The following ZDHHC24 variants were observed in gnomAD, a reference collection of about 807,000 sequenced individuals.
ZDHHC24 encodes zDHHC palmitoyltransferase 24, also known as probable palmitoyltransferase ZDHHC24.
ZDHHC24 carries 17 observed loss-of-function variants against 23.2 expected under a neutral mutation model. The ratio of observed to expected loss-of-function variants is 0.73; its 90% CI spans 0.50 to 1.10. The LOEUF (loss-of-function observed/expected upper bound fraction) is 1.10. Among genes scored for constraint, ZDHHC24 ranks in the 50% least tolerant of loss-of-function variants. The pLI, the probability that ZDHHC24 is intolerant of heterozygous loss-of-function variation, is 0.00. For synonymous variants in ZDHHC24, 186 were observed against 194.5 expected (o/e 0.96, Z 0.36); for missense variants, 366 against 393.0 (o/e 0.93, Z 0.58).
At chr11:66,532,133 G>A (rs1856812809), downstream of ZDHHC24, 1 of 1,321,676 alleles carries the variant, frequency 7.6e-7, no homozygotes, top group African/African-American at 1.5e-5. Context: ...CAGTGTGCTG[G>A]GGCGACAGCT....
In ZDHHC24 at chr11:66,545,309, G is replaced by A. The variant is rs1310341835; in HGVS notation, c.281+414C>T. Among the ~76,000 whole-genome samples, 2 of 152,184 alleles carry A rather than the reference G, an allele frequency of 1.3e-5. No individual in the cohort carries two copies. The highest frequency in any genetic ancestry group is 3.9e-4 in the East Asian group (2 of 5,194). On this transcript the variant is annotated intron_variant, in intron 1 of 2. Coordinates refer to ENST00000310442, the MANE Select transcript of ZDHHC24 (RefSeq NM_207340.3). This position sits in a 1 kb window ranked among gnomAD's most constrained non-coding sequence, Gnocchi z 4.5. ...CGGCCTCGGCCTCCCAAAGTGCTGG[G>A]ATTACAGATGTGAGCCAACGCACCC...
chr11:66,524,459 G>A (rs772627072), intron 4 of ZDHHC24, among the ~76,000 whole-genome samples: 2 of 151,898 alleles, frequency 1.3e-5, no homozygotes, highest in African/African-American at 4.8e-5. Context: ...GCTAAAAAGC[G>A]CAGAGGGTGC....
rs1856981540 is a variant in ZDHHC24 at position 66,536,784 on chromosome 11, G to A, written c.*2745C>T. 6.6e-6 allele frequency: 1 copy of A among 151,768 alleles called. No homozygotes were observed. Among genetic ancestry groups the A allele is most frequent in the African/African-American group, 2.4e-5 (1 of 41,372 alleles). The allele number at this position is 151,768 out of a possible 1,614,324, so 9.4% of individuals were successfully genotyped here. Reference sequence around the variant, plus strand: ...CAGCTACCGAGAGGCTGCAGCAGGAGAATCGCTTGAACCCGGGAGGCGGAG... The same window carrying A: ...CAGCTACCGAGAGGCTGCAGCAGGAAAATCGCTTGAACCCGGGAGGCGGAG... On this transcript the variant is annotated 3_prime_UTR_variant, in exon 3 of 3. Transcript: ENST00000310442.
chr11:66,524,356 C>CT, intron 4 of ZDHHC24: 1 of 261,248 alleles, frequency 3.8e-6, no homozygotes, highest in Non-Finnish European at 7.5e-6. Flanking sequence ...AAAATGATGA[C>CT]TAAGTCCTTG....
chr11:66,521,394 C>T, exon 5 of ZDHHC24: 1 of 1,601,934 alleles, frequency 6.2e-7, no homozygotes, highest in East Asian at 2.2e-5. Context: ...CATCCGTGGT[C>T]TCCGGGGCCG....
At chr11:66,533,358 C>G (rs965812932), downstream of ZDHHC24, 1 of 152,250 alleles carries the variant, frequency 6.6e-6, no homozygotes, top group Admixed American at 6.5e-5. Context: ...CCAGCAGTCA[C>G]TTCCAGTTCA....
intron 4 of ZDHHC24, chr11:66,526,805 C>T (rs1856527351): frequency 1.2e-6 from 2 of 1,614,128 alleles, no homozygotes; most frequent in African/African-American, 1.3e-5. Context: ...GAGGCTGGCA[C>T]CGGTGAGCCT....
chr11:66,539,931 C>T (rs1014259438), intron 2 of ZDHHC24, 107 bp from the exon 3 acceptor site: 1 of 1,186,912 alleles, frequency 8.4e-7, no homozygotes, highest in South Asian at 1.7e-5. Context: ...GCTCAGCAAA[C>T]CCTGTGTCGA....
chr11:66,526,601 G>T, intron 4 of ZDHHC24: 10 of 1,612,140 alleles, frequency 6.2e-6, no homozygotes, highest in Non-Finnish European at 8.5e-6. Context: ...ATGGGAATGT[G>T]GGTAGAACTG....
chr11:66,545,307 G>A lies in ZDHHC24; in HGVS notation c.281+416C>T, dbSNP rs770604469. On this transcript the variant is annotated intron_variant, in intron 1 of 2. Transcript: ENST00000310442. The surrounding 1 kb of genome is among the most constrained non-coding windows in gnomAD (Gnocchi z 4.5). ...GCCGGCCTCGGCCTCCCAAAGTGCTGGGATTACAGATGTGAGCCAACGCAC... is the reference window on the plus strand; with the variant it reads ...GCCGGCCTCGGCCTCCCAAAGTGCTAGGATTACAGATGTGAGCCAACGCAC... Among the ~76,000 whole-genome samples the A allele has an allele frequency of 8.5e-5, 13 of 152,148 alleles. No individual in the cohort carries two copies. The highest frequency in any genetic ancestry group is 3.1e-4 in the African/African-American group (13 of 41,438).
intron 4 of ZDHHC24, among the ~76,000 whole-genome samples, chr11:66,525,638 A>G (rs529709971): frequency 1.5e-4 from 23 of 152,344 alleles, no homozygotes; most frequent in African/African-American, 5.5e-4. Context: ...AAAATTTGCA[A>G]ACAACTGGCT....
At chr11:66,529,415 C>G (rs1313738658) in exon 3 of ZDHHC24, 1 of 1,046,424 alleles carries the variant, frequency 9.6e-7, no homozygotes, top group Non-Finnish European at 1.4e-6. Context: ...GCTGGAGACA[C>G]ATGCACAATA....
At chr11:66,531,159 C>G (rs906994638), downstream of ZDHHC24, 9 of 1,285,444 alleles carry the variant, frequency 7.0e-6, no homozygotes, top group Non-Finnish European at 9.9e-6. Context: ...CAGACCTACT[C>G]TCCCACCACA....
downstream of ZDHHC24, chr11:66,531,812 A>C: frequency 6.2e-7 from 1 of 1,613,198 alleles, no homozygotes; most frequent in Non-Finnish European, 8.5e-7. Context: ...GTGAGTGCCA[A>C]CAAAGACCTT....
chr11:66,539,532 G>A lies in ZDHHC24; in HGVS notation c.852C>T (p.Ser284=). ...ACAGCTCTGGCTCTTCCTGGAGTCAGGAGGCTGTGTGTCCCACATCTGCTG... is the reference window on the plus strand; with the variant it reads ...ACAGCTCTGGCTCTTCCTGGAGTCAAGAGGCTGTGTGTCCCACATCTGCTG... ...QTTADVGHTA[S] is the part of the protein sequence containing the mutation. Residue 284 remains serine, a synonymous_variant, in exon 3 of 3, where the codon TCC becomes TCT. Coordinates refer to ENST00000310442, the MANE Select transcript of ZDHHC24 (RefSeq NM_207340.3). 1.3e-6 allele frequency: 2 copies of A among 1,559,236 alleles called. No homozygotes were observed. The highest frequency in any genetic ancestry group is 1.7e-6 in the Non-Finnish European group (2 of 1,152,456).
intron 2 of ZDHHC24, among the ~76,000 whole-genome samples, chr11:66,529,645 C>T (rs145942922): frequency 4.0e-5 from 6 of 151,792 alleles, no homozygotes; most frequent in Non-Finnish European, 8.8e-5. Context: ...GCCACGGCGT[C>T]GAGTTTTGCC....
chr11:66,526,407 C>T (rs1225777434), intron 4 of ZDHHC24, among the ~76,000 whole-genome samples: 3 of 152,206 alleles, frequency 2.0e-5, no homozygotes, highest in African/African-American at 7.2e-5. Context: ...CACCCAGCAT[C>T]CCCAGTGCCT....
At chr11:66,522,336 CT>C (rs748766824) in intron 4 of ZDHHC24, among the ~76,000 whole-genome samples, 8,130 of 142,728 alleles carry the variant, frequency 0.057, 207 homozygotes, top group Middle Eastern at 0.11. Flanking sequence ...ATATAAAATG[CT>C]TTTTTTTTTT....
At position 66,523,936 on chromosome 11, in the gene ZDHHC24, T is replaced by C; in HGVS notation, c.*22-2470A>G. The stretch of plus-strand genomic sequence containing the variant: ...CACTCCTCCTTGCCCTCGTCTCACC[T>C]CTGGGGCTTCTTAGCTGCCTCTTCC... On this transcript the variant is annotated intron_variant, in intron 4 of 4. Transcript: ENST00000526986. 1.9e-6 allele frequency: 3 copies of C among 1,604,934 alleles called. No homozygotes were observed. The South Asian group carries it at 3.3e-5, about 18-fold the overall frequency.
Sources: allele counts gnomAD v4.1 joint callset (sites outside exome capture counted in the v4.1 genomes callset), GRCh38; gene constraint gnomAD v4.1.1; non-coding constraint Gnocchi (gnomAD v3.1); transcripts MANE v1.5; gene names NCBI Gene and HGNC (gene_info 2026-07-23, HGNC 2026-07-21).